EIF3H: variants seen among roughly 807,000 people sequenced by gnomAD.
The protein encoded by EIF3H is eukaryotic translation initiation factor 3 subunit H.
EIF3H carries 26 observed loss-of-function variants against 44.2 expected under a neutral mutation model. The observed-to-expected ratio is 0.59, with a 90% CI of 0.43 to 0.82. The LOEUF is 0.82. Ranked by LOEUF, EIF3H falls within the 40% of genes least tolerant of loss-of-function variation. The pLI is 0.00. For missense variants in EIF3H, 359 were observed against 432.8 expected (o/e 0.83, Z 1.51); for synonymous variants, 166 against 151.9 (o/e 1.09, Z -0.68).
intron 2 of EIF3H, among the ~76,000 whole-genome samples, chr8:116,723,590 T>C (rs1472731685): frequency 6.6e-6 from 1 of 152,258 alleles, no homozygotes; most frequent in Non-Finnish European, 1.5e-5. Flanking sequence ...TTAGCAAGCA[T>C]ATACTTTGTG....
At chr8:116,765,225 CAA>C (rs1210228741) in intron 1 of EIF3H, among the ~76,000 whole-genome samples, 4 of 152,126 alleles carry the variant, frequency 2.6e-5, no homozygotes, top group Non-Finnish European at 5.9e-5. Context: ...TCCAACCCTG[CAA>C]AAGTTTTCAT....
intron 2 of EIF3H, among the ~76,000 whole-genome samples, chr8:116,666,753 C>CAAAGAAAAAAAAAAAAAAAAAAA (rs1813674515): frequency 1.4e-5 from 1 of 71,432 alleles, no homozygotes; most frequent in African/African-American, 6.9e-5. Flanking sequence ...TAGTGTTAGG[C>CAAAGAAAAAAAAAAAAAAAAAAA]AAAAAAAAAA....
chr8:116,654,296 G>A (rs200745076), intron 5 of EIF3H, among the ~76,000 whole-genome samples: 19 of 152,198 alleles, frequency 1.2e-4, no homozygotes, highest in Non-Finnish European at 2.6e-4. Context: ...AGGGCAAACT[G>A]AGAACATTTT....
chr8:116,760,158 C>T (rs892403492), upstream of EIF3H, among the ~76,000 whole-genome samples: 1 of 152,234 alleles, frequency 6.6e-6, no homozygotes, highest in Non-Finnish European at 1.5e-5. Flanking sequence ...ACTCTCTGGA[C>T]TCTGTCTCCT....
At position 116,747,268 on chromosome 8, in the gene EIF3H, G is replaced by A. The variant is rs1006710899; in HGVS notation, c.132+8398C>T. 1.6e-4 allele frequency among the ~76,000 whole-genome samples: 24 copies of A among 152,276 alleles called. 1 individual carries two copies. The highest frequency in any genetic ancestry group is 3.4e-3 in the Middle Eastern group (1 of 294). ...TTTAGTAGAGATGGGGTTTCGCCAT[G>A]TTGGCCAGGTTGGTCTCGAACTCCT... is the stretch of plus-strand genomic sequence containing the variant. On this transcript the variant is annotated intron_variant, in intron 1 of 7. Transcript: ENST00000521861.
At chr8:116,697,413 C>G (rs1405821691) in intron 2 of EIF3H, among the ~76,000 whole-genome samples, 1 of 152,206 alleles carries the variant, frequency 6.6e-6, no homozygotes, top group East Asian at 1.9e-4. Flanking sequence ...GCTTGCTTTC[C>G]TCCACTGTTT....
intron 5 of EIF3H, among the ~76,000 whole-genome samples, chr8:116,653,835 A>G (rs1197021568): frequency 1.3e-5 from 2 of 152,220 alleles, no homozygotes; most frequent in African/African-American, 2.4e-5. Context: ...CAACAAAAGC[A>G]AATACAGTAT....
At chr8:116,745,515 C>G (rs1815217136) in intron 1 of EIF3H, among the ~76,000 whole-genome samples, 1 of 152,196 alleles carries the variant, frequency 6.6e-6, no homozygotes, top group South Asian at 2.1e-4. Context: ...ATGTCACGAA[C>G]ACAGTAAGCA....
intron 1 of EIF3H, among the ~76,000 whole-genome samples, chr8:116,732,785 T>C (rs1280179779): frequency 6.6e-6 from 1 of 152,192 alleles, no homozygotes; most frequent in Non-Finnish European, 1.5e-5. Flanking sequence ...GGGGCTCATA[T>C]TTTTAGAACA....
chr8:116,673,842 C>T (rs1033920696), intron 2 of EIF3H, among the ~76,000 whole-genome samples: 4 of 151,898 alleles, frequency 2.6e-5, no homozygotes, highest in Non-Finnish European at 5.9e-5. Flanking sequence ...CAGGCCGAAG[C>T]GGGCGGATCA....
chr8:116,658,506 C>T (rs934426570), intron 3 of EIF3H: 3 of 253,048 alleles, frequency 1.2e-5, no homozygotes, highest in South Asian at 8.1e-5. Flanking sequence ...CTCTAGCAAT[C>T]GGGGTTTGTT....
At chr8:116,732,851 A>ATG (rs1024932186) in intron 1 of EIF3H, among the ~76,000 whole-genome samples, 32 of 152,324 alleles carry the variant, frequency 2.1e-4, no homozygotes, top group African/African-American at 7.7e-4. Flanking sequence ...CTGACACCAG[A>ATG]TGTGTGGGTT....
intron 1 of EIF3H, among the ~76,000 whole-genome samples, chr8:116,761,666 C>T (rs887221216): frequency 6.6e-6 from 1 of 152,028 alleles, no homozygotes; most frequent in Non-Finnish European, 1.5e-5. Context: ...TATAGTGATC[C>T]GACAATAGTC....
At chr8:116,654,677 A>C (rs1401872709) in intron 5 of EIF3H, among the ~76,000 whole-genome samples, 1 of 152,166 alleles carries the variant, frequency 6.6e-6, no homozygotes, top group African/African-American at 2.4e-5. Flanking sequence ...TTTGGTGCCA[A>C]ATTAGCCTTG....
At chr8:116,697,302 G>A in intron 2 of EIF3H, 1 of 412,392 alleles carries the variant, frequency 2.4e-6, no homozygotes, top group South Asian at 1.8e-5. Context: ...AGTGTAAAAA[G>A]AAAAAAATTG....
upstream of EIF3H, among the ~76,000 whole-genome samples, chr8:116,758,242 G>C (rs1407424427): frequency 1.3e-5 from 2 of 152,014 alleles, no homozygotes; most frequent in Non-Finnish European, 2.9e-5. Flanking sequence ...AAAATTCAGA[G>C]AAAAGAAAAT....
At chr8:116,647,770 CA>C (rs1274906044) in intron 6 of EIF3H, among the ~76,000 whole-genome samples, 1 of 152,124 alleles carries the variant, frequency 6.6e-6, no homozygotes, top group East Asian at 1.9e-4. Flanking sequence ...TTCCTGTATT[CA>C]TTATGGGGTA....
intron 1 of EIF3H, among the ~76,000 whole-genome samples, chr8:116,748,363 G>T (rs1430054482): frequency 1.3e-5 from 2 of 152,076 alleles, no homozygotes; most frequent in Non-Finnish European, 2.9e-5. Context: ...CCTGTACAGG[G>T]TCTTATAATA....
chr8:116,752,295 G>T (rs913446049), intron 1 of EIF3H, among the ~76,000 whole-genome samples: 16 of 152,098 alleles, frequency 1.1e-4, no homozygotes, highest in African/African-American at 3.9e-4. Context: ...TGATTACCAG[G>T]AGCACTGAAG....
Sources: allele counts gnomAD v4.1 joint callset (sites outside exome capture counted in the v4.1 genomes callset), GRCh38; gene constraint gnomAD v4.1.1; transcripts MANE v1.5; gene names NCBI Gene and HGNC (gene_info 2026-07-23, HGNC 2026-07-21).